PAPPA: variants seen among roughly 807,000 people sequenced by gnomAD.
PAPPA encodes pappalysin 1.
Under a neutral mutation model 164.0 loss-of-function variants are expected in PAPPA, and 60 were observed. That is an observed-to-expected ratio of 0.37 (90% CI 0.30 to 0.45). The LOEUF (loss-of-function observed/expected upper bound fraction) is 0.45, where lower values mean the gene tolerates loss of function less well. Among genes scored for constraint, PAPPA ranks in the 20% least tolerant of loss-of-function variants. The probability of loss-of-function intolerance (pLI) is 1.00; values close to 1 mark genes in which losing one functional copy is unlikely to be tolerated. For synonymous variants in PAPPA, 875 were observed against 814.1 expected (o/e 1.07, Z -1.27); for missense variants, 1,782 against 2,087.3 (o/e 0.85, Z 2.85).
At chr9:116,225,898 C>T (rs554646878) in intron 5 of PAPPA, among the ~76,000 whole-genome samples, 2 of 152,176 alleles carry the variant, frequency 1.3e-5, no homozygotes, top group East Asian at 1.9e-4. Context: ...TACTGACCAA[C>T]ATTATAAGAT....
chr9:116,393,930 A>C (rs1183270897), intron 21 of PAPPA, among the ~76,000 whole-genome samples: 2 of 152,172 alleles, frequency 1.3e-5, no homozygotes, highest in African/African-American at 4.8e-5. Context: ...AGGACTTTGG[A>C]TTTTATTCTA....
rs1419352248 is a variant in PAPPA at position 116,154,715 on chromosome 9, C to A, written c.415+128C>A. 2 of 1,111,928 alleles carry A rather than the reference C, an allele frequency of 1.8e-6. No homozygotes were observed. Among genetic ancestry groups the A allele is most frequent in the African/African-American group, 1.8e-5 (1 of 54,420 alleles). The allele number at this position is 1,111,928 out of a possible 1,614,324, so 68.9% of individuals were successfully genotyped here. ...GTCTGTGCGAGAGCTGCCCCGCGAG[C>A]GGCGCAGAGACATCCGGGCGAGCTG... On this transcript the variant is annotated intron_variant, in intron 1 of 21. Transcript: ENST00000328252. This position sits in a 1 kb window ranked among gnomAD's most constrained non-coding sequence, Gnocchi z 5.2.
chr9:116,395,230 T>G (rs1316925219), intron 21 of PAPPA, among the ~76,000 whole-genome samples: 1 of 152,218 alleles, frequency 6.6e-6, no homozygotes, highest in East Asian at 1.9e-4. Context: ...TAAATCTTTC[T>G]GATGTTCCAT....
At chr9:116,245,351 T>A (rs767174410) in intron 7 of PAPPA, among the ~76,000 whole-genome samples, 2 of 152,172 alleles carry the variant, frequency 1.3e-5, no homozygotes, top group East Asian at 3.9e-4. Flanking sequence ...TTGTGGCTCA[T>A]GTTGAGTTTA....
At chr9:116,312,954 G>T (rs1232748528) in intron 10 of PAPPA, among the ~76,000 whole-genome samples, 15 of 151,934 alleles carry the variant, frequency 9.9e-5, no homozygotes. Flanking sequence ...GTGGTGGTGG[G>T]TACCTGTAGT....
chr9:116,397,872 G>A lies in PAPPA; in HGVS notation c.*1256G>A, dbSNP rs992225978. ...AGCCCTTCAGGCTAGAGTAGGCTTT[G>A]ATCCTGAGAACCTTGCTGTTGCTCT... is the stretch of plus-strand genomic sequence containing the variant. On this transcript the variant is annotated 3_prime_UTR_variant, in exon 22 of 22. Coordinates refer to ENST00000328252, the MANE Select transcript of PAPPA (RefSeq NM_002581.5). 2.6e-5 allele frequency: 4 copies of A among 152,614 alleles called. No individual in the cohort carries two copies. Among genetic ancestry groups the A allele is most frequent in the African/African-American group, 9.7e-5 (4 of 41,430 alleles). 9.5% of individuals were successfully genotyped at this position (152,614 alleles called of 1,614,324 possible). A position where few individuals can be genotyped will look rare whatever the true frequency, so the allele number is the denominator to read the frequency against.
chr9:116,279,459 C>T (rs1314131183), intron 9 of PAPPA, among the ~76,000 whole-genome samples: 1 of 152,058 alleles, frequency 6.6e-6, no homozygotes, highest in Non-Finnish European at 1.5e-5. Flanking sequence ...AGGCCTACCC[C>T]ACAGAGAGGC....
At position 116,271,509 on chromosome 9, in the gene PAPPA, T is replaced by C. The variant is rs1845137476; in HGVS notation, c.2953+93T>C. ...AATGCCAACAATAGTTATGACTAAATGATGATTCACTCCTTTGTATTACAC... is the reference window on the plus strand; with the variant it reads ...AATGCCAACAATAGTTATGACTAAACGATGATTCACTCCTTTGTATTACAC... On this transcript the variant is annotated intron_variant, in intron 9 of 21. Transcript: ENST00000328252. This position sits in a 1 kb window ranked among gnomAD's most constrained non-coding sequence, Gnocchi z 4.2. 7.8e-6 allele frequency: 7 copies of C among 900,936 alleles called. No individual in the cohort carries two copies. The South Asian group carries it at 9.6e-5, about 12-fold the overall frequency. The allele number at this position is 900,936 out of a possible 1,614,324, so 55.8% of individuals were successfully genotyped here. A position where few individuals can be genotyped will look rare whatever the true frequency, so the allele number is the denominator to read the frequency against.
chr9:116,398,345 T>C lies in PAPPA; in HGVS notation c.*1729T>C, dbSNP rs1220572700. 2 of 321,654 alleles carry C rather than the reference T, an allele frequency of 6.2e-6. No individual in the cohort carries two copies. Among genetic ancestry groups the C allele is most frequent in the Non-Finnish European group, 1.2e-5 (2 of 165,098 alleles). The allele number at this position is 321,654 out of a possible 1,614,324, so 19.9% of individuals were successfully genotyped here. A position where few individuals can be genotyped will look rare whatever the true frequency, so the allele number is the denominator to read the frequency against. On this transcript the variant is annotated 3_prime_UTR_variant, in exon 22 of 22. Transcript: ENST00000328252. ...TACATCACATAGGGATTACTGTAAA[T>C]CAAGTCATCTCAAGTCTAGTGAAGA...
chr9:116,216,466 A>G (rs1175624067), intron 4 of PAPPA, among the ~76,000 whole-genome samples: 2 of 152,200 alleles, frequency 1.3e-5, no homozygotes, highest in Non-Finnish European at 2.9e-5. Flanking sequence ...TAGGCTTCCC[A>G]GTGCTGAAGT....
intron 2 of PAPPA, among the ~76,000 whole-genome samples, chr9:116,201,452 A>G (rs536382647): frequency 4.9e-4 from 74 of 152,326 alleles, no homozygotes; most frequent in Non-Finnish European, 9.1e-4. Context: ...CCTCCTGTGA[A>G]GAAGGTAAAC....
intron 7 of PAPPA, among the ~76,000 whole-genome samples, chr9:116,250,707 A>G (rs929719694): frequency 6.6e-6 from 1 of 152,254 alleles, no homozygotes; most frequent in African/African-American, 2.4e-5. Context: ...AAGATCATCT[A>G]TGCCAGGACT....
chr9:116,296,487 T>C (rs890170836), intron 9 of PAPPA, among the ~76,000 whole-genome samples: 13 of 152,340 alleles, frequency 8.5e-5, no homozygotes, highest in African/African-American at 2.9e-4. Context: ...TCCACAATTC[T>C]GTTCGCAGAG....
intron 10 of PAPPA, among the ~76,000 whole-genome samples, chr9:116,313,394 C>G (rs1398562515): frequency 6.6e-6 from 1 of 152,114 alleles, no homozygotes; most frequent in Non-Finnish European, 1.5e-5. Context: ...GAAGAGAGGC[C>G]CCTGGGGAAG....
chr9:116,315,882 G>C (rs924623152), intron 10 of PAPPA, among the ~76,000 whole-genome samples: 1 of 152,200 alleles, frequency 6.6e-6, no homozygotes, highest in South Asian at 2.1e-4. Flanking sequence ...ATGATGAGTA[G>C]AGTAAAGAGA....
chr9:116,270,849 A>C (rs2118824861), intron 8 of PAPPA, among the ~76,000 whole-genome samples: 1 of 152,218 alleles, frequency 6.6e-6, no homozygotes, highest in African/African-American at 2.4e-5. Flanking sequence ...CATGAATGAA[A>C]AAAAAAAAGT....
intron 1 of PAPPA, among the ~76,000 whole-genome samples, chr9:116,184,537 T>C (rs751109247): frequency 5.5e-4 from 83 of 152,262 alleles, no homozygotes; most frequent in Non-Finnish European, 9.7e-4. Flanking sequence ...CAATGAACTC[T>C]CATTTGGACA....
intron 21 of PAPPA, among the ~76,000 whole-genome samples, chr9:116,383,934 G>A (rs1846767871): frequency 2.6e-5 from 4 of 152,030 alleles, no homozygotes; most frequent in Admixed American, 2.6e-4. Context: ...AATTCAGAAA[G>A]AAGAAAACAA....
intron 10 of PAPPA, among the ~76,000 whole-genome samples, chr9:116,312,567 A>T (rs764685575): frequency 2.0e-5 from 3 of 151,984 alleles, no homozygotes; most frequent in Non-Finnish European, 4.4e-5. Flanking sequence ...GACCCAAAGG[A>T]TGGGGTTTTG....
Sources: allele counts gnomAD v4.1 joint callset (sites outside exome capture counted in the v4.1 genomes callset), GRCh38; gene constraint gnomAD v4.1.1; non-coding constraint Gnocchi (gnomAD v3.1); transcripts MANE v1.5; gene names NCBI Gene and HGNC (gene_info 2026-07-23, HGNC 2026-07-21).